The following SLC39A11 variants were observed in gnomAD, a reference collection of about 807,000 sequenced individuals.
SLC39A11 encodes solute carrier family 39 member 11, also known as zinc transporter ZIP11.
Under a neutral mutation model 36.1 loss-of-function variants are expected in SLC39A11, and 33 were observed. The observed-to-expected ratio is 0.91, with a 90% CI of 0.69 to 1.22. The LOEUF is 1.22. SLC39A11 is among the 50% of genes most tolerant of loss of function. SLC39A11 has a pLI of 0.00. For missense variants in SLC39A11, 432 were observed against 430.3 expected (o/e 1.00, Z -0.03); for synonymous variants, 166 against 170.3 (o/e 0.97, Z 0.20).
In SLC39A11 at chr17:72,853,332, G is replaced by A. The variant is rs543977302; in HGVS notation, c.431-3528C>T. On this transcript the variant is annotated intron_variant, in intron 5 of 9. Coordinates refer to ENST00000255559, the MANE Select transcript of SLC39A11 (RefSeq NM_139177.4). ...TATGAGCCACTGCACCTTGCCCCTT[G>A]GGGATTTTATAATTTAAGAGAGGGC... is the stretch of plus-strand genomic sequence containing the variant. 5.9e-5 allele frequency among the ~76,000 whole-genome samples: 9 copies of A among 151,944 alleles called. No individual in the cohort carries two copies. The South Asian group carries it at 1.9e-3, about 32-fold the overall frequency.
chr17:72,865,770 T>C (rs1171458057), intron 5 of SLC39A11, among the ~76,000 whole-genome samples: 1 of 150,068 alleles, frequency 6.7e-6, no homozygotes, highest in African/African-American at 2.5e-5. Flanking sequence ...TAAAACAATA[T>C]AAAACAGCCT....
At chr17:72,673,839 G>A (rs980566364) in intron 7 of SLC39A11, among the ~76,000 whole-genome samples, 3 of 152,074 alleles carry the variant, frequency 2.0e-5, no homozygotes, top group Non-Finnish European at 4.4e-5. Flanking sequence ...TGAGGTGGGC[G>A]GATCACTTGA....
intron 6 of SLC39A11, among the ~76,000 whole-genome samples, chr17:72,797,634 A>G (rs1349290389): frequency 6.6e-6 from 1 of 152,244 alleles, no homozygotes; most frequent in East Asian, 1.9e-4. Context: ...CAGGCACTTG[A>G]CATGCACTAC....
At chr17:73,046,988 T>C (rs2059315036) in intron 3 of SLC39A11, among the ~76,000 whole-genome samples, 1 of 151,574 alleles carries the variant, frequency 6.6e-6, no homozygotes, top group African/African-American at 2.4e-5. Context: ...TGTAGCCTAG[T>C]AGAAAGAAGA....
chr17:72,741,933 C>T (rs1239294578), intron 6 of SLC39A11, among the ~76,000 whole-genome samples: 1 of 152,120 alleles, frequency 6.6e-6, no homozygotes, highest in Non-Finnish European at 1.5e-5. Context: ...GGCACAGTGG[C>T]TCCCGCGCCT....
At chr17:72,911,075 A>C (rs35732027) in intron 5 of SLC39A11, among the ~76,000 whole-genome samples, 77,470 of 151,510 alleles carry the variant, frequency 0.51, 19,729 homozygotes, top group African/African-American at 0.54. Flanking sequence ...AAACCCACTT[A>C]TAAAACAAGT....
intron 5 of SLC39A11, among the ~76,000 whole-genome samples, chr17:72,909,884 T>G (rs1342503470): frequency 6.6e-6 from 1 of 151,532 alleles, no homozygotes; most frequent in Admixed American, 6.6e-5. Context: ...TAGCTGGGAC[T>G]CCAGGCGCCC....
At chr17:73,067,607 G>C (rs1241905344) in intron 3 of SLC39A11, among the ~76,000 whole-genome samples, 2 of 152,066 alleles carry the variant, frequency 1.3e-5, no homozygotes, top group East Asian at 3.9e-4. Context: ...CTTGGAAGCA[G>C]ATCTGCAGCA....
At chr17:72,964,312 T>C (rs1160305761) in intron 4 of SLC39A11, among the ~76,000 whole-genome samples, 1 of 152,220 alleles carries the variant, frequency 6.6e-6, no homozygotes, top group Non-Finnish European at 1.5e-5. Flanking sequence ...AAGCCACATG[T>C]GGTCCCTGGA....
At chr17:72,729,898 G>T (rs2074144738) in intron 7 of SLC39A11, among the ~76,000 whole-genome samples, 1 of 151,948 alleles carries the variant, frequency 6.6e-6, no homozygotes. Flanking sequence ...GCCGCCTATG[G>T]GCTTAACTGT....
chr17:73,090,717 G>A (rs1255574177), intron 1 of SLC39A11, among the ~76,000 whole-genome samples: 3 of 152,218 alleles, frequency 2.0e-5, no homozygotes, highest in Non-Finnish European at 2.9e-5. Flanking sequence ...AGTCAATGTG[G>A]ATCTTGTGGG....
At position 72,727,349 on chromosome 17, in the gene SLC39A11, C is replaced by A. The variant is rs192364499; in HGVS notation, c.671+9301G>T. 2.9e-3 allele frequency among the ~76,000 whole-genome samples: 440 copies of A among 152,264 alleles called. 4 individuals carry two copies. Among genetic ancestry groups the A allele is most frequent in the African/African-American group, 0.01 (418 of 41,558 alleles). ...AAACAGAAAGAAACTGCTATGGGACCAGAACAGAAAGAAGCAAGCTGGGGC... is the reference window on the plus strand; with the variant it reads ...AAACAGAAAGAAACTGCTATGGGACAAGAACAGAAAGAAGCAAGCTGGGGC... On this transcript the variant is annotated intron_variant, in intron 7 of 9. Transcript: ENST00000255559.
chr17:73,015,693 G>A (rs548506830), intron 4 of SLC39A11, among the ~76,000 whole-genome samples: 5 of 152,096 alleles, frequency 3.3e-5, no homozygotes, highest in African/African-American at 9.6e-5. Flanking sequence ...AGCAATTCTC[G>A]TGCCTTGGCC....
chr17:72,792,661 T>TGCA (rs901831267), intron 6 of SLC39A11, among the ~76,000 whole-genome samples: 7 of 152,160 alleles, frequency 4.6e-5, no homozygotes, highest in African/African-American at 1.7e-4. Flanking sequence ...CAAGGCACAC[T>TGCA]GCACACCTCT....
chr17:72,796,694 C>A (rs984106330), intron 6 of SLC39A11, among the ~76,000 whole-genome samples: 6 of 152,160 alleles, frequency 3.9e-5, no homozygotes, highest in African/African-American at 1.4e-4. Flanking sequence ...CACACAAATC[C>A]AGCAGCATCA....
At chr17:72,870,553 G>A (rs919571459) in intron 5 of SLC39A11, among the ~76,000 whole-genome samples, 2 of 152,226 alleles carry the variant, frequency 1.3e-5, no homozygotes, top group Non-Finnish European at 1.5e-5. Flanking sequence ...CATTGCCAAA[G>A]CAAAGCAAGC....
At chr17:72,994,047 C>T (rs569389315) in intron 4 of SLC39A11, among the ~76,000 whole-genome samples, 1 of 152,178 alleles carries the variant, frequency 6.6e-6, no homozygotes, top group Non-Finnish European at 1.5e-5. Flanking sequence ...TTTAGCCTCA[C>T]GAGTTTCACC....
intron 3 of SLC39A11, chr17:73,073,710 T>C (rs2060233172): frequency 6.6e-6 from 1 of 152,068 alleles, no homozygotes; most frequent in African/African-American, 2.4e-5. Context: ...GCCTAGGAAG[T>C]CAGGCCTGAG....
intron 4 of SLC39A11, among the ~76,000 whole-genome samples, chr17:72,954,771 C>T (rs374984692): frequency 1.6e-4 from 25 of 152,250 alleles, no homozygotes; most frequent in Non-Finnish European, 2.6e-4. Context: ...CTCGGGAGCC[C>T]GGCACCAGGC....
Sources: allele counts gnomAD v4.1 joint callset (sites outside exome capture counted in the v4.1 genomes callset), GRCh38; gene constraint gnomAD v4.1.1; transcripts MANE v1.5; gene names NCBI Gene and HGNC (gene_info 2026-07-23, HGNC 2026-07-21).